The following DNAJC21 variants were observed in gnomAD, a reference collection of about 807,000 sequenced individuals.
DNAJC21 encodes the protein DnaJ heat shock protein family (Hsp40) member C21.
In DNAJC21, 63 loss-of-function variants were observed where a neutral mutation model predicts 72.4. That is an observed-to-expected ratio of 0.87 (90% confidence interval 0.71 to 1.07). The LOEUF (loss-of-function observed/expected upper bound fraction) is 1.07, where lower values mean the gene tolerates loss of function less well. Among genes scored for constraint, DNAJC21 ranks in the 50% least tolerant of loss-of-function variants. DNAJC21 has a pLI of 0.00. For synonymous variants in DNAJC21, 203 were observed against 216.7 expected, an observed-to-expected ratio of 0.94 and a Z score of 0.56; for missense variants, 634 against 644.8, an observed-to-expected ratio of 0.98 and a Z score of 0.18.
intron 7 of DNAJC21, among the ~76,000 whole-genome samples, chr5:34,941,819 G>T (rs868392109): frequency 6.6e-6 from 1 of 151,674 alleles, no homozygotes. Flanking sequence ...CACCCACCTC[G>T]GCCTCCCAAA....
chr5:34,941,090 T>A lies in DNAJC21; in HGVS notation c.896-6T>A. 1 of 1,612,738 alleles carries A rather than the reference T, an allele frequency of 6.2e-7. No homozygotes were observed. The highest frequency in any genetic ancestry group is 8.5e-7 in the Non-Finnish European group (1 of 1,178,954). On this transcript the variant is annotated splice_polypyrimidine_tract_variant and splice_region_variant and intron_variant, in intron 6 of 11. Coordinates refer to ENST00000648817, the MANE Select transcript of DNAJC21 (RefSeq NM_001012339.3). ...AGGGTTCTTACTGTAGGCTTCCCTG[T>A]CATAGGTAAAGACAGTGATGAGGCC...
rs1194592405 is a variant in DNAJC21, at chr5:34,957,886, T to C, written c.*3172T>C. The C allele has an allele frequency of 2.6e-5, 4 of 152,254 alleles. No individual in the cohort carries two copies. Among genetic ancestry groups the C allele is most frequent in the Non-Finnish European group, 5.9e-5 (4 of 68,040 alleles). The allele number at this position is 152,254 out of a possible 1,614,324, so 9.4% of individuals were successfully genotyped here. ...GGCAGAAGTTCTGTTCCCTATAATC[T>C]GCAATGCTGAAGTATCTCTATTCAA... On this transcript the variant is annotated 3_prime_UTR_variant, in exon 12 of 12. Transcript: ENST00000648817.
At chr5:34,952,340 G>A in intron 10 of DNAJC21, 1 of 807,906 alleles carries the variant, frequency 1.2e-6, no homozygotes, top group Non-Finnish European at 1.5e-6. Flanking sequence ...TCCTTTTCTT[G>A]ATGTTTTCAA....
At chr5:34,937,974 T>A (rs540245531) in intron 5 of DNAJC21, among the ~76,000 whole-genome samples, 85 of 152,112 alleles carry the variant, frequency 5.6e-4, no homozygotes, top group South Asian at 4.2e-3. Flanking sequence ...ATTTTTGTAT[T>A]TTTAGTAGTG....
intron 10 of DNAJC21, chr5:34,952,727 A>G: frequency 6.6e-6 from 1 of 152,180 alleles, no homozygotes; most frequent in Admixed American, 6.5e-5. Flanking sequence ...AAAGGACATA[A>G]TTTTTAAATA....
intron 7 of DNAJC21, 105 bp from the exon 8 acceptor site, chr5:34,944,762 A>T: frequency 6.9e-7 from 1 of 1,448,550 alleles, no homozygotes; most frequent in Non-Finnish European, 9.4e-7. Flanking sequence ...CGTTTTGCTT[A>T]GTGGGAAAAA....
intron 10 of DNAJC21, among the ~76,000 whole-genome samples, chr5:34,953,375 C>T (rs573002880): frequency 2.0e-5 from 3 of 152,042 alleles, no homozygotes; most frequent in South Asian, 2.1e-4. Flanking sequence ...GATTCCCCTG[C>T]TCCTCCTCCT....
At chr5:34,939,685 T>C (rs1418042537) in intron 6 of DNAJC21, among the ~76,000 whole-genome samples, 1 of 152,166 alleles carries the variant, frequency 6.6e-6, no homozygotes, top group Non-Finnish European at 1.5e-5. Context: ...TCCTCTCCCT[T>C]GTGACTTTAT....
intron 6 of DNAJC21, 109 bp from the exon 7 acceptor site, chr5:34,940,987 A>AT (rs941253051): frequency 4.6e-4 from 405 of 885,984 alleles, no homozygotes; most frequent in Non-Finnish European, 5.6e-4. Context: ...CCTTAGGATT[A>AT]TTTTTTTTTA....
At chr5:34,938,689 A>G (rs528719686) in intron 5 of DNAJC21, among the ~76,000 whole-genome samples, 169 bp from the exon 6 acceptor site, 78 of 152,360 alleles carry the variant, frequency 5.1e-4, no homozygotes, top group Middle Eastern at 6.8e-3. Context: ...AACAGGTAAC[A>G]GGTTTAAGTG....
chr5:34,941,142 T>G lies in DNAJC21; in HGVS notation c.942T>G (p.Leu314=), dbSNP rs776648556. ...EAEDAELYDD[L]YCPACDKSFK... ...AGGACGCTGAGCTCTATGATGACCT[T>G]TACTGCCCAGCATGTGACAAATCGT... The change falls in exon 7 of 12, where the codon CTT becomes CTG. Residue 314 remains leucine (L), a synonymous_variant. Transcript: ENST00000648817. 6.2e-7 allele frequency: 1 copy of G among 1,614,162 alleles called. No individual in the cohort carries two copies. The highest frequency in any genetic ancestry group is 1.1e-5 in the South Asian group (1 of 91,082).
At chr5:34,952,837 T>A (rs1039461096) in intron 10 of DNAJC21, 1 of 152,170 alleles carries the variant, frequency 6.6e-6, no homozygotes, top group Non-Finnish European at 1.5e-5. Context: ...AAGTGTTTGT[T>A]AAACTGGATC....
At chr5:34,949,146 C>T (rs1248257685) in intron 9 of DNAJC21, among the ~76,000 whole-genome samples, 1 of 152,062 alleles carries the variant, frequency 6.6e-6, no homozygotes, top group Non-Finnish European at 1.5e-5. Context: ...CTGGCAATAC[C>T]ACCCTAACCA....
At chr5:34,936,105 C>A in intron 3 of DNAJC21, 39 bp from the exon 4 acceptor site, 1 of 1,582,120 alleles carries the variant, frequency 6.3e-7, no homozygotes, top group East Asian at 2.2e-5. Flanking sequence ...GATCAGGCTG[C>A]AAAAGTATTA....
chr5:34,935,898 G>A lies in DNAJC21; in HGVS notation c.315+65G>A, dbSNP rs991349837. On this transcript the variant is annotated intron_variant, in intron 3 of 11. Coordinates refer to ENST00000648817, the MANE Select transcript of DNAJC21 (RefSeq NM_001012339.3). Reference sequence around the variant, plus strand: ...CTTCATTAAGACTCACATACAAAGAGAATTCTTAAAACTATTCTGTAATAG... The same window carrying A: ...CTTCATTAAGACTCACATACAAAGAAAATTCTTAAAACTATTCTGTAATAG... 1.9e-6 allele frequency: 3 copies of A among 1,596,588 alleles called. No individual in the cohort carries two copies. The African/African-American group carries it at 4.0e-5, about 21-fold the overall frequency.
intron 9 of DNAJC21, among the ~76,000 whole-genome samples, 192 bp from the exon 10 acceptor site, chr5:34,949,978 C>G (rs892502555): frequency 1.6e-4 from 24 of 152,160 alleles, no homozygotes; most frequent in Admixed American, 3.3e-4. Flanking sequence ...TTCAGCCATT[C>G]ACTTTTTGAA....
chr5:34,958,339 T>TTA lies in DNAJC21; in HGVS notation c.*3629_*3630dup, dbSNP rs1174389362. On this transcript the variant is annotated 3_prime_UTR_variant, in exon 12 of 12. Coordinates refer to ENST00000648817, the MANE Select transcript of DNAJC21 (RefSeq NM_001012339.3). ...AAAGAGCCCAGAAACAGGTCCATGT[T>TTA]TATATGGGAACTTGATTTTTGACAG... is the stretch of plus-strand genomic sequence containing the variant. The TTA allele has an allele frequency of 3.3e-5, 5 of 152,090 alleles. No individual in the cohort carries two copies. Among genetic ancestry groups the TTA allele is most frequent in the African/African-American group, 1.2e-4 (5 of 41,392 alleles). 9.4% of individuals were successfully genotyped at this position (152,090 alleles called of 1,614,324 possible). A position where few individuals can be genotyped will look rare whatever the true frequency, so the allele number is the denominator to read the frequency against.
At chr5:34,936,557 C>A (rs1293948702) in intron 4 of DNAJC21, among the ~76,000 whole-genome samples, 2 of 152,128 alleles carry the variant, frequency 1.3e-5, no homozygotes, top group African/African-American at 4.8e-5. Context: ...TGGCCTCCCT[C>A]CTTGGCCTCC....
intron 9 of DNAJC21, among the ~76,000 whole-genome samples, chr5:34,946,752 A>G (rs1429480787): frequency 6.6e-6 from 1 of 152,162 alleles, no homozygotes; most frequent in African/African-American, 2.4e-5. Context: ...TCCTTTGTGT[A>G]TGTCAGTACC....
Sources: allele counts gnomAD v4.1 joint callset (sites outside exome capture counted in the v4.1 genomes callset), GRCh38; gene constraint gnomAD v4.1.1; transcripts MANE v1.5; gene names NCBI Gene and HGNC (gene_info 2026-07-23, HGNC 2026-07-21).